The following CFTR variants were observed in gnomAD, a reference collection of about 807,000 sequenced individuals.
CFTR encodes the protein CF transmembrane conductance regulator, also known as cystic fibrosis transmembrane conductance regulator.
A neutral mutation model predicts 171.6 loss-of-function variants in CFTR; 181 were observed. The ratio of observed to expected loss-of-function variants is 1.05; its 90% CI spans 0.93 to 1.19. The LOEUF (loss-of-function observed/expected upper bound fraction) is 1.19. CFTR is among the 50% of genes most tolerant of loss of function. The probability of loss-of-function intolerance (pLI) is 0.00; values close to 1 mark genes in which losing one functional copy is unlikely to be tolerated. For synonymous variants in CFTR, 583 were observed against 608.0 expected, an observed-to-expected ratio of 0.96 and a Z score of 0.60; for missense variants, 1,968 against 1,734.7, an observed-to-expected ratio of 1.13 and a Z score of -2.39.
At position 117,587,849 on chromosome 7, in the gene CFTR, T is replaced by G; in HGVS notation, c.1679+16T>G. 2 of 1,448,450 alleles carry G rather than the reference T, an allele frequency of 1.4e-6. No homozygotes were observed. Among genetic ancestry groups the G allele is most frequent in the Non-Finnish European group, 1.9e-6 (2 of 1,029,264 alleles). 89.7% of individuals were successfully genotyped at this position (1,448,450 alleles called of 1,614,324 possible). ...CTTTAGCAAGGTGAATAACTAATTA[T>G]TGGTCTAGCAAGCATTTGCTGTAAA... On this transcript the variant is annotated intron_variant, in intron 12 of 26. Transcript: ENST00000003084.
At position 117,668,115 on chromosome 7, in the gene CFTR, A is replaced by C. The variant is rs1180838727; in HGVS notation, c.*1007A>C. ...GTATGTTTTCAGGCTAGATGTATGT[A>C]CTTCATGCTGTCTACACTAAGAGAG... On this transcript the variant is annotated 3_prime_UTR_variant, in exon 27 of 27. Coordinates refer to ENST00000003084, the MANE Select transcript of CFTR (RefSeq NM_000492.4). 6.6e-6 allele frequency: 1 copy of C among 152,156 alleles called. No homozygotes were observed. Among genetic ancestry groups the C allele is most frequent in the Non-Finnish European group, 1.5e-5 (1 of 68,036 alleles). 9.4% of individuals were successfully genotyped at this position (152,156 alleles called of 1,614,324 possible). A position where few individuals can be genotyped will look rare whatever the true frequency, so the allele number is the denominator to read the frequency against.
At chr7:117,556,315 G>A (rs1008358215) in intron 10 of CFTR, among the ~76,000 whole-genome samples, 12 of 151,640 alleles carry the variant, frequency 7.9e-5, no homozygotes, top group African/African-American at 1.5e-4. Flanking sequence ...TGCCTGCCTC[G>A]GCCTCCCAAA....
chr7:117,504,409 T>A, intron 2 of CFTR, 46 bp downstream of exon 2: 1 of 947,564 alleles, frequency 1.1e-6, no homozygotes, highest in South Asian at 1.3e-5. Context: ...ATTCATATTA[T>A]TAATTATTTA....
At chr7:117,556,740 C>T (rs911733562) in intron 10 of CFTR, among the ~76,000 whole-genome samples, 10 of 147,242 alleles carry the variant, frequency 6.8e-5, no homozygotes, top group Non-Finnish European at 1.4e-4. Flanking sequence ...GGGATGGTCT[C>T]GATCTCCTGA....
At chr7:117,490,396 A>G (rs1284920957) in intron 1 of CFTR, among the ~76,000 whole-genome samples, 5 of 151,420 alleles carry the variant, frequency 3.3e-5, no homozygotes, top group South Asian at 2.1e-4. Flanking sequence ...ATGATGGCTA[A>G]CAAGTCCAAA....
chr7:117,583,536 A>G (rs213957), intron 11 of CFTR, among the ~76,000 whole-genome samples: 82,769 of 151,910 alleles, frequency 0.54, 25,232 homozygotes, highest in African/African-American at 0.83. Context: ...AGTATTCCAT[A>G]GTGTATATAT....
In CFTR at chr7:117,617,498, T is replaced by C. The variant is rs1190842508; in HGVS notation, c.3468+2785T>C. Among the ~76,000 whole-genome samples the C allele has an allele frequency of 3.3e-5, 5 of 152,160 alleles. No homozygotes were observed. In the East Asian group the frequency reaches 9.6e-4, roughly 29 times the overall value. ...TATTATATTCCCTAAGATAGCTTTT[T>C]CCCACCTTCTTCTTCCTTCTCCCTT... On this transcript the variant is annotated intron_variant, in intron 21 of 26. Coordinates refer to ENST00000003084, the MANE Select transcript of CFTR (RefSeq NM_000492.4).
At chr7:117,663,199 A>T (rs1005775086) in intron 24 of CFTR, among the ~76,000 whole-genome samples, 4 of 152,194 alleles carry the variant, frequency 2.6e-5, no homozygotes, top group African/African-American at 9.6e-5. Flanking sequence ...GCAGCTTCAT[A>T]GACTGAAACA....
intron 23 of CFTR, among the ~76,000 whole-genome samples, chr7:117,644,502 C>T (rs1456119968): frequency 3.3e-5 from 5 of 151,710 alleles, no homozygotes. Flanking sequence ...CTTCCAACTC[C>T]GAGACTTTGC....
chr7:117,591,045 A>G (rs1001861321), intron 13 of CFTR, among the ~76,000 whole-genome samples: 1 of 152,122 alleles, frequency 6.6e-6, no homozygotes, highest in Non-Finnish European at 1.5e-5. Context: ...TGGACTATCA[A>G]GTAGTTTATT....
intron 15 of CFTR, among the ~76,000 whole-genome samples, chr7:117,602,421 A>G (rs1792240340): frequency 2.0e-5 from 3 of 152,252 alleles, no homozygotes; most frequent in Admixed American, 2.0e-4. Flanking sequence ...CCCTATAATC[A>G]TTGAATGGCT....
At position 117,610,694 on chromosome 7, in the gene CFTR, C is replaced by T. The variant is rs199669168; in HGVS notation, c.3139+25C>T. The T allele has an allele frequency of 3.8e-4, 615 of 1,611,604 alleles. 1 individual carries two copies. The highest frequency in any genetic ancestry group is 4.9e-4 in the Non-Finnish European group (581 of 1,178,362). On this transcript the variant is annotated intron_variant, in intron 19 of 26. Transcript: ENST00000003084. ...GGTATGACAGTGAATGTGCGATACT[C>T]ATCTTGTAAAAAAGCTATAAGAGCT...
At chr7:117,535,679 C>T (rs532783885) in intron 6 of CFTR, among the ~76,000 whole-genome samples, 11 of 151,732 alleles carry the variant, frequency 7.2e-5, no homozygotes, top group Non-Finnish European at 1.2e-4. Flanking sequence ...GGATTAGAGG[C>T]GCATGCCACC....
intron 2 of CFTR, among the ~76,000 whole-genome samples, chr7:117,506,854 T>C (rs956148959): frequency 6.6e-6 from 1 of 152,236 alleles, no homozygotes; most frequent in Non-Finnish European, 1.5e-5. Context: ...TCTTATAAAA[T>C]TGGTATTTGA....
At chr7:117,638,736 C>CATAAATAAATAAATAAATAAATAAATAA (rs201930686) in intron 22 of CFTR, among the ~76,000 whole-genome samples, 1 of 145,042 alleles carries the variant, frequency 6.9e-6, no homozygotes, top group African/African-American at 2.6e-5. Context: ...AACTCCATCT[C>CATAAATAAATAAATAAATAAATAAATAA]ATAAATAAAT....
chr7:117,585,328 AC>A (rs1218778088), intron 11 of CFTR, among the ~76,000 whole-genome samples: 31 of 152,000 alleles, frequency 2.0e-4, no homozygotes, highest in Non-Finnish European at 4.1e-4. Flanking sequence ...AGGATTCTAT[AC>A]TCTCTAAATC....
At chr7:117,650,157 G>T (rs1193749844) in intron 23 of CFTR, among the ~76,000 whole-genome samples, 2 of 152,146 alleles carry the variant, frequency 1.3e-5, no homozygotes, top group Admixed American at 6.6e-5. Flanking sequence ...AAAGGTCAAT[G>T]AAATGTTCTA....
chr7:117,647,615 G>T (rs2116182880), intron 23 of CFTR, among the ~76,000 whole-genome samples: 1 of 150,818 alleles, frequency 6.6e-6, no homozygotes, highest in East Asian at 2.0e-4. Context: ...CCAACACTGG[G>T]AATTACAATT....
chr7:117,510,931 G>A (rs1374376595), intron 3 of CFTR, among the ~76,000 whole-genome samples: 1 of 152,004 alleles, frequency 6.6e-6, no homozygotes, highest in Non-Finnish European at 1.5e-5. Context: ...TTGAGCGTGA[G>A]GCAAATTAAG....
Sources: gnomAD v4.1 joint callset for allele counts (sites outside exome capture counted in the v4.1 genomes callset) on GRCh38, gnomAD v4.1.1 for gene constraint, MANE v1.5 for transcripts, NCBI Gene and HGNC (gene_info 2026-07-23, HGNC 2026-07-21) for gene names.